The following NCK2 variants were observed in gnomAD, a reference collection of about 807,000 sequenced individuals.
NCK2 encodes the protein cytoplasmic protein NCK2.
NCK2 carries 16 observed loss-of-function variants against 33.9 expected under a neutral mutation model. The observed-to-expected ratio is 0.47, with a 90% CI of 0.32 to 0.72. The LOEUF is 0.72. Among genes scored for constraint, NCK2 ranks in the 30% least tolerant of loss-of-function variants. The probability of loss-of-function intolerance (pLI) is 0.03; values close to 1 mark genes in which losing one functional copy is unlikely to be tolerated. For synonymous variants in NCK2, 273 were observed against 239.9 expected (o/e 1.14, Z -1.27); for missense variants, 418 against 537.3 (o/e 0.78, Z 2.19).
chr2:105,868,873 G>T (rs1170648733), intron 3 of NCK2, among the ~76,000 whole-genome samples: 2 of 152,348 alleles, frequency 1.3e-5, no homozygotes, highest in African/African-American at 2.4e-5. Flanking sequence ...AAGCGACTTG[G>T]CCAGGGCTAT....
chr2:105,847,936 A>T (rs1676916081), intron 2 of NCK2, among the ~76,000 whole-genome samples: 1 of 151,924 alleles, frequency 6.6e-6, no homozygotes, highest in South Asian at 2.1e-4. Context: ...ACTTATTGGG[A>T]TCTCTTCGTA....
chr2:105,863,277 G>T (rs1677615182), intron 3 of NCK2, among the ~76,000 whole-genome samples: 1 of 152,074 alleles, frequency 6.6e-6, no homozygotes, highest in Non-Finnish European at 1.5e-5. Flanking sequence ...GTCTCAACAA[G>T]GGCAGAGCTG....
chr2:105,845,069 G>T (rs1169996133), intron 2 of NCK2, among the ~76,000 whole-genome samples: 1 of 152,086 alleles, frequency 6.6e-6, no homozygotes, highest in Admixed American at 6.5e-5. Flanking sequence ...CTAGAGCGGG[G>T]TGCAGAGGGG....
rs148470991 is a variant in NCK2 at position 105,849,349 on chromosome 2, C to CTGCA, written c.-16-5698_-16-5695dup. 6.1e-3 allele frequency among the ~76,000 whole-genome samples: 931 copies of CTGCA among 152,262 alleles called. 9 individuals carry two copies. The highest frequency in any genetic ancestry group is 0.021 in the African/African-American group (884 of 41,534). On this transcript the variant is annotated intron_variant, in intron 2 of 4. Coordinates refer to ENST00000233154, the MANE Select transcript of NCK2 (RefSeq NM_003581.5). ...GCTACAGTGAGCTGTGATTGTGCCA[C>CTGCA]TGCACTCCAGCCTCAGATGCCTTTC...
chr2:105,883,309 A>C (rs1004744556), intron 4 of NCK2, among the ~76,000 whole-genome samples: 3 of 152,206 alleles, frequency 2.0e-5, no homozygotes, highest in Non-Finnish European at 4.4e-5. Context: ...CCTTAAGCAA[A>C]TTAAGGACAG....
At chr2:105,784,531 G>A (rs890435798) in intron 1 of NCK2, among the ~76,000 whole-genome samples, 1 of 152,258 alleles carries the variant, frequency 6.6e-6, no homozygotes, top group East Asian at 1.9e-4. Context: ...AGCCTCGCTT[G>A]TGGAGGGTAC....
intron 1 of NCK2, among the ~76,000 whole-genome samples, chr2:105,785,858 G>A (rs1181891604): frequency 6.6e-6 from 1 of 152,168 alleles, no homozygotes; most frequent in Non-Finnish European, 1.5e-5. Context: ...ATGTGCTGAA[G>A]AAAATAAATA....
intron 3 of NCK2, among the ~76,000 whole-genome samples, chr2:105,864,777 G>A (rs1677681015): frequency 1.3e-5 from 2 of 150,228 alleles, no homozygotes; most frequent in South Asian, 4.2e-4. Context: ...CATGAGTTTG[G>A]CCCTCCGAAC....
chr2:105,856,229 A>G (rs772919085), intron 3 of NCK2, among the ~76,000 whole-genome samples: 2 of 152,328 alleles, frequency 1.3e-5, no homozygotes, highest in African/African-American at 4.8e-5. Context: ...TTGCCTTTAC[A>G]TGCACACGGA....
At chr2:105,850,076 G>A (rs958025629) in intron 2 of NCK2, among the ~76,000 whole-genome samples, 31 of 152,266 alleles carry the variant, frequency 2.0e-4, no homozygotes, top group African/African-American at 7.2e-4. Flanking sequence ...AGTATCTTCC[G>A]AGGCAGGTGG....
intron 2 of NCK2, among the ~76,000 whole-genome samples, chr2:105,845,800 T>C (rs6543342): frequency 0.68 from 103,490 of 152,062 alleles, 35,534 homozygotes; most frequent in African/African-American, 0.78. Flanking sequence ...GTGACTGTTA[T>C]CCGTCTACTT....
intron 1 of NCK2, among the ~76,000 whole-genome samples, chr2:105,771,924 T>G (rs1295463655): frequency 6.6e-6 from 1 of 152,096 alleles, no homozygotes; most frequent in African/African-American, 2.4e-5. Flanking sequence ...ACTTCCTCCC[T>G]CCCAGGGCTG....
chr2:105,782,124 C>T (rs1381664121), intron 1 of NCK2, among the ~76,000 whole-genome samples: 1 of 152,188 alleles, frequency 6.6e-6, no homozygotes, highest in East Asian at 1.9e-4. Flanking sequence ...CGGGAAGTTG[C>T]TTTTGGGCTT....
chr2:105,852,298 G>A (rs1240380954), intron 2 of NCK2, among the ~76,000 whole-genome samples: 2 of 152,174 alleles, frequency 1.3e-5, no homozygotes, highest in African/African-American at 2.4e-5. Context: ...ATTGCATTTC[G>A]CAGAGCTCAG....
chr2:105,874,296 G>A (rs116556413), intron 3 of NCK2, among the ~76,000 whole-genome samples: 2,363 of 152,304 alleles, frequency 0.016, 38 homozygotes, highest in Non-Finnish European at 0.019. Flanking sequence ...ACTTGTAGAA[G>A]CTGAGCTGAA....
intron 2 of NCK2, among the ~76,000 whole-genome samples, chr2:105,826,962 G>A (rs1168261456): frequency 6.6e-6 from 1 of 151,980 alleles, no homozygotes; most frequent in African/African-American, 2.4e-5. Flanking sequence ...ACATAAAAGA[G>A]TGTTCATCAA....
intron 1 of NCK2, among the ~76,000 whole-genome samples, chr2:105,769,837 C>T (rs10201738): frequency 0.47 from 71,901 of 152,048 alleles, 18,046 homozygotes; most frequent in African/African-American, 0.64. Context: ...ATTTTAATCC[C>T]TCGGAGTAAT....
At chr2:105,810,661 AG>A (rs1469397168) in intron 1 of NCK2, among the ~76,000 whole-genome samples, 2 of 152,238 alleles carry the variant, frequency 1.3e-5, no homozygotes, top group African/African-American at 4.8e-5. Context: ...TTGATTACAA[AG>A]ACAAGTAGCA....
At chr2:105,814,327 C>T (rs1366027093) in intron 1 of NCK2, among the ~76,000 whole-genome samples, 2 of 152,258 alleles carry the variant, frequency 1.3e-5, no homozygotes, top group Non-Finnish European at 2.9e-5. Flanking sequence ...GCAACCTTCA[C>T]GTTTTACACT....
Sources: gnomAD v4.1 joint callset for allele counts (sites outside exome capture counted in the v4.1 genomes callset) on GRCh38, gnomAD v4.1.1 for gene constraint, MANE v1.5 for transcripts, NCBI Gene and HGNC (gene_info 2026-07-23, HGNC 2026-07-21) for gene names.